Variants in PRKG2 observed in about 807,000 individuals in gnomAD.
PRKG2 encodes the protein cGMP-dependent protein kinase 2.
PRKG2 carries 33 observed loss-of-function variants against 97.2 expected under a neutral mutation model. That is an observed-to-expected ratio of 0.34 (90% confidence interval 0.26 to 0.45). The LOEUF (loss-of-function observed/expected upper bound fraction) is 0.45, where lower values mean the gene tolerates loss of function less well. Ranked by LOEUF, PRKG2 falls within the 20% of genes least tolerant of loss-of-function variation. The probability of loss-of-function intolerance (pLI) is 1.00; values close to 1 mark genes in which losing one functional copy is unlikely to be tolerated. For missense variants in PRKG2, 638 were observed against 900.0 expected (o/e 0.71, Z 3.73); for synonymous variants, 330 against 321.8 (o/e 1.03, Z -0.27).
At chr4:81,108,201 T>C (rs529335514) in intron 15 of PRKG2, among the ~76,000 whole-genome samples, 2 of 152,114 alleles carry the variant, frequency 1.3e-5, no homozygotes, top group African/African-American at 4.8e-5. Context: ...CAAGACTCCA[T>C]CTCAAAAATA....
intron 14 of PRKG2, among the ~76,000 whole-genome samples, chr4:81,118,138 T>C (rs1208864402): frequency 6.6e-6 from 1 of 152,212 alleles, no homozygotes; most frequent in Non-Finnish European, 1.5e-5. Flanking sequence ...ATAATATGCA[T>C]TTTGTTTTTT....
intron 2 of PRKG2, among the ~76,000 whole-genome samples, chr4:81,199,102 T>C (rs1195688712): frequency 6.6e-6 from 1 of 152,126 alleles, no homozygotes; most frequent in Non-Finnish European, 1.5e-5. Context: ...GTCCAACTGG[T>C]AAAAGCCTGT....
chr4:81,210,308 G>C (rs933450837), intron 1 of PRKG2, among the ~76,000 whole-genome samples: 2 of 151,664 alleles, frequency 1.3e-5, no homozygotes, highest in African/African-American at 4.8e-5. Context: ...CATAGACTGA[G>C]AGAACGTACT....
upstream of PRKG2, among the ~76,000 whole-genome samples, chr4:81,216,916 TG>T (rs1754291631): frequency 1.3e-5 from 2 of 150,082 alleles, no homozygotes; most frequent in African/African-American, 2.5e-5. Flanking sequence ...TGTGTGTGTG[TG>T]TGTGTGTGTG....
chr4:81,131,610 T>C (rs1332338167), intron 14 of PRKG2, among the ~76,000 whole-genome samples: 1 of 152,238 alleles, frequency 6.6e-6, no homozygotes, highest in Non-Finnish European at 1.5e-5. Context: ...AATATTACCC[T>C]ATGTTTACGT....
intron 14 of PRKG2, among the ~76,000 whole-genome samples, chr4:81,133,255 G>A (rs1046228199): frequency 2.0e-5 from 3 of 152,070 alleles, no homozygotes; most frequent in Non-Finnish European, 2.9e-5. Flanking sequence ...AATGAGAAAA[G>A]CATGTTTCTT....
At chr4:81,126,371 T>C (rs928594684) in intron 14 of PRKG2, among the ~76,000 whole-genome samples, 2 of 152,256 alleles carry the variant, frequency 1.3e-5, no homozygotes, top group African/African-American at 4.8e-5. Flanking sequence ...GAACGATTTA[T>C]AATACTTTGG....
intron 14 of PRKG2, among the ~76,000 whole-genome samples, chr4:81,129,409 ATCTG>A (rs1244471070): frequency 3.3e-5 from 5 of 152,112 alleles, no homozygotes; most frequent in African/African-American, 7.2e-5. Context: ...CTGTCCATTG[ATCTG>A]TCTAATGTTG....
Position 81,089,506 on chromosome 4 carries a change from C to A in PRKG2, c.*202G>T. 1 of 443,462 alleles carries A rather than the reference C, an allele frequency of 2.3e-6. No homozygotes were observed. The highest frequency in any genetic ancestry group is 5.0e-4 in the Middle Eastern group (1 of 2,012). The allele number at this position is 443,462 out of a possible 1,614,324, so 27.5% of individuals were successfully genotyped here. On this transcript the variant is annotated 3_prime_UTR_variant, in exon 19 of 19. Coordinates refer to ENST00000264399, the MANE Select transcript of PRKG2 (RefSeq NM_006259.3). ...GAGAAAAGCAAATAATGTAATACATCAATAATTCACAGCATCTAAATAAGA... is the reference window on the plus strand; with the variant it reads ...GAGAAAAGCAAATAATGTAATACATAAATAATTCACAGCATCTAAATAAGA...
intron 9 of PRKG2, among the ~76,000 whole-genome samples, chr4:81,145,390 A>G (rs79588187): frequency 0.095 from 14,486 of 152,226 alleles, 916 homozygotes; most frequent in Middle Eastern, 0.2. Flanking sequence ...TATATTTTAA[A>G]TCAAGAATAA....
At chr4:81,187,720 T>C (rs940798220) in intron 2 of PRKG2, among the ~76,000 whole-genome samples, 1 of 152,170 alleles carries the variant, frequency 6.6e-6, no homozygotes, top group Admixed American at 6.5e-5. Context: ...GCAAACCCCA[T>C]CGTCTCAGCC....
At position 81,087,780 on chromosome 4, in the gene PRKG2, A is replaced by T. The variant is rs988485422; in HGVS notation, c.*1928T>A. 5 of 152,162 alleles carry T rather than the reference A, an allele frequency of 3.3e-5. No homozygotes were observed. The highest frequency in any genetic ancestry group is 6.5e-5 in the Admixed American group (1 of 15,274). 9.4% of individuals were successfully genotyped at this position (152,162 alleles called of 1,614,324 possible). Reference sequence around the variant, plus strand: ...ATCTTTTAAAGTACTCTAAGGAAACAATAAAAAATCACATGGGAGGATAAC... The same window carrying T: ...ATCTTTTAAAGTACTCTAAGGAAACTATAAAAAATCACATGGGAGGATAAC... On this transcript the variant is annotated 3_prime_UTR_variant, in exon 19 of 19. Coordinates refer to ENST00000264399, the MANE Select transcript of PRKG2 (RefSeq NM_006259.3).
At chr4:81,145,421 A>T (rs1042263716) in intron 9 of PRKG2, among the ~76,000 whole-genome samples, 2 of 152,168 alleles carry the variant, frequency 1.3e-5, no homozygotes, top group Non-Finnish European at 2.9e-5. Context: ...TTGTCTCAAG[A>T]TAACTCTCTC....
chr4:81,105,202 T>A (rs1386960421), intron 16 of PRKG2, among the ~76,000 whole-genome samples: 2 of 152,158 alleles, frequency 1.3e-5, no homozygotes, highest in African/African-American at 4.8e-5. Context: ...TATAATACAT[T>A]TTTGTTAAGT....
intron 2 of PRKG2, among the ~76,000 whole-genome samples, chr4:81,201,725 T>TG (rs1753326437): frequency 1.3e-5 from 2 of 152,268 alleles, no homozygotes; most frequent in South Asian, 4.1e-4. Flanking sequence ...CCATCAAATT[T>TG]TATTCTCTGG....
chr4:81,152,115 A>C, intron 7 of PRKG2, 61 bp from the exon 8 acceptor site: 9 of 1,277,744 alleles, frequency 7.0e-6, no homozygotes, highest in Non-Finnish European at 1.0e-5. Flanking sequence ...ATCTGAACAC[A>C]CATTCATTCA....
At chr4:81,202,505 G>GGAT (rs752481820) in intron 2 of PRKG2, among the ~76,000 whole-genome samples, 24 of 152,118 alleles carry the variant, frequency 1.6e-4, no homozygotes, top group Non-Finnish European at 2.6e-4. Context: ...GTTAGGGCAT[G>GGAT]GATGATACAG....
rs1195494274 is a variant in PRKG2 at position 81,196,545 on chromosome 4, GTCTT to G, written c.461+8038_461+8041del. 2.6e-5 allele frequency among the ~76,000 whole-genome samples: 4 copies of G among 152,178 alleles called. No individual in the cohort carries two copies. The East Asian group carries it at 7.7e-4, about 29-fold the overall frequency. On this transcript the variant is annotated intron_variant, in intron 2 of 18. Coordinates refer to ENST00000264399, the MANE Select transcript of PRKG2 (RefSeq NM_006259.3). ...GGAAAGAGGGAACTGGAAGCTCTAG[GTCTT>G]TCTTTCTCTCATATTTCCCAGAGCT... is the stretch of plus-strand genomic sequence containing the variant.
intron 14 of PRKG2, among the ~76,000 whole-genome samples, chr4:81,125,281 T>C (rs749140413): frequency 6.6e-6 from 1 of 152,230 alleles, no homozygotes; most frequent in Non-Finnish European, 1.5e-5. Flanking sequence ...ATTCCCGTTA[T>C]TTCAAAAAAT....
Sources: allele counts gnomAD v4.1 joint callset (sites outside exome capture counted in the v4.1 genomes callset), GRCh38; gene constraint gnomAD v4.1.1; transcripts MANE v1.5; gene names NCBI Gene and HGNC (gene_info 2026-07-23, HGNC 2026-07-21).